Variants in IRF5 observed in about 807,000 individuals in gnomAD.
The protein encoded by IRF5 is interferon regulatory factor 5.
In IRF5, 24 loss-of-function variants were observed where a neutral mutation model predicts 55.1. That is an observed-to-expected ratio of 0.44 (90% confidence interval 0.32 to 0.61). IRF5 has a LOEUF of 0.61. IRF5 is among the 20% of genes least tolerant of loss of function. The pLI, the probability that IRF5 is intolerant of heterozygous loss-of-function variation, is 0.07. For missense variants in IRF5, 499 were observed against 658.5 expected (o/e 0.76, Z 2.65); for synonymous variants, 258 against 260.2 (o/e 0.99, Z 0.08).
rs1056556456 is a variant in IRF5 at position 128,945,724 on chromosome 7, C to T, written c.196-121C>T. On this transcript the variant is annotated intron_variant, in intron 2 of 8. Coordinates refer to ENST00000357234, the MANE Select transcript of IRF5 (RefSeq NM_001098629.3). ...GCTGCAAACCAGGTCTGGGGCTCAG[C>T]GAGGCTCAGCCTGTAGCCGAAGTTC... The T allele has an allele frequency of 3.8e-5, 36 of 950,060 alleles. 1 individual carries two copies. The South Asian group carries it at 5.2e-4, about 14-fold the overall frequency. The allele number at this position is 950,060 out of a possible 1,614,324, so 58.9% of individuals were successfully genotyped here. A position where few individuals can be genotyped will look rare whatever the true frequency, so the allele number is the denominator to read the frequency against.
intron 1 of IRF5, among the ~76,000 whole-genome samples, chr7:128,938,995 G>A (rs57812317): frequency 0.023 from 3,512 of 150,344 alleles, 75 homozygotes; most frequent in East Asian, 0.061. Context: ...GGGTGGCTCC[G>A]CGGGCTGGCC....
chr7:128,937,141 A>AC (rs1430663903), upstream of IRF5, among the ~76,000 whole-genome samples: 1 of 152,228 alleles, frequency 6.6e-6, no homozygotes, highest in African/African-American at 2.4e-5. Flanking sequence ...GCACCCTGGA[A>AC]CCCCACCTGG....
Position 128,946,025 on chromosome 7 carries a change from G to C in IRF5, c.376G>C (p.Ala126Pro). ...KIYEVCSNGPAPTDSQPPEDY... is the reference protein window; with the variant it reads ...KIYEVCSNGPPPTDSQPPEDY... ...CTACGAGGTCTGCTCCAATGGCCCT[G>C]CTCCCACAGGTATCAGGCCTAGCCC... The change falls in exon 3 of 9, where the codon GCT (alanine) becomes CCT (proline). Residue 126 changes from alanine to proline, a missense_variant. By Grantham distance (27) the Ala-to-Pro change is conservative. This residue lies in a region of IRF5 where 305 missense variants were observed against 340.2 expected (regional missense o/e 0.90). Transcript: ENST00000357234. This position sits in a 1 kb window ranked among gnomAD's most constrained non-coding sequence, Gnocchi z 4.2. 1 of 1,601,728 alleles carries C rather than the reference G, an allele frequency of 6.2e-7. No homozygotes were observed. Among genetic ancestry groups the C allele is most frequent in the South Asian group, 1.1e-5 (1 of 89,890 alleles).
In IRF5 at chr7:128,942,236, G is replaced by A; in HGVS notation, c.155G>A (p.Arg52Lys). The change falls in exon 2 of 9, where the codon AGG becomes AAG. Residue 52 changes from arginine to lysine, a missense_variant. By Grantham distance (26) the Arg-to-Lys change is conservative. Around this residue, in one of 2 missense-constraint regions of IRF5, gnomAD observed 305 missense variants for 340.2 expected, o/e 0.90. Transcript: ENST00000357234. ...TGCATCCCCTGGAGGCATGCCACAA[G>A]GCATGGTCCCAGCCAGGACGGAGAT... ...LFCIPWRHAT[R>K]HGPSQDGDNT... The A allele has an allele frequency of 6.2e-7, 1 of 1,613,952 alleles. No homozygotes were observed. The highest frequency in any genetic ancestry group is 8.5e-7 in the Non-Finnish European group (1 of 1,179,930).
At chr7:128,939,702 C>T (rs894432087) in intron 1 of IRF5, among the ~76,000 whole-genome samples, 1 of 152,128 alleles carries the variant, frequency 6.6e-6, no homozygotes, top group Non-Finnish European at 1.5e-5. Flanking sequence ...TCCAGCATGG[C>T]CCTGGGGTGA....
chr7:128,948,503 T>C lies in IRF5; in HGVS notation c.1300-70T>C. ...GTCTATTACTCACCCCTGATGGCTG[T>C]CCTCATGCACAGCTGGATCTGGCAG... On this transcript the variant is annotated intron_variant, in intron 8 of 8. Transcript: ENST00000357234. This position sits in a 1 kb window ranked among gnomAD's most constrained non-coding sequence, Gnocchi z 4.6. 1.9e-6 allele frequency: 3 copies of C among 1,591,184 alleles called. No individual in the cohort carries two copies. The highest frequency in any genetic ancestry group is 2.6e-6 in the Non-Finnish European group (3 of 1,169,580).
At chr7:128,944,117 C>T (rs187180404) in intron 2 of IRF5, among the ~76,000 whole-genome samples, 1 of 152,294 alleles carries the variant, frequency 6.6e-6, no homozygotes, top group Non-Finnish European at 1.5e-5. Context: ...AAGTGAATAT[C>T]TTGATTTATA....
chr7:128,942,681 C>T (rs1199442941), intron 2 of IRF5, among the ~76,000 whole-genome samples: 1 of 152,126 alleles, frequency 6.6e-6, no homozygotes, highest in Non-Finnish European at 1.5e-5. Context: ...CCCAGAAGGC[C>T]TTCCCATAAC....
At position 128,948,057 on chromosome 7, in the gene IRF5, AT is replaced by A; in HGVS notation, c.1117del (p.Cys373AlafsTer65). On this transcript the variant is annotated frameshift_variant, in exon 7 of 9. Coordinates refer to ENST00000357234, the MANE Select transcript of IRF5 (RefSeq NM_001098629.3). LOFTEE classifies it high-confidence loss of function. The surrounding 1 kb of genome is among the most constrained non-coding windows in gnomAD (Gnocchi z 4.6). Reference sequence around the variant, plus strand: ...GGCCTTGTGCCTCAGCCCATGACTCATGCCCCAACCCCATCCAGCGGGAGGT... The same window carrying A: ...GGCCTTGTGCCTCAGCCCATGACTCAGCCCCAACCCCATCCAGCGGGAGGT... The part of the protein sequence containing the change: ...SGPCASAHDS[C>X]PNPIQREVKT... The A allele has an allele frequency of 6.2e-7, 1 of 1,614,096 alleles. No individual in the cohort carries two copies. Among genetic ancestry groups the A allele is most frequent in the Non-Finnish European group, 8.5e-7 (1 of 1,179,994 alleles).
Position 128,946,577 on chromosome 7 carries a change from A to G in IRF5, c.447+15A>G, listed in dbSNP as rs1465143403. 2 of 1,560,208 alleles carry G rather than the reference A, an allele frequency of 1.3e-6. No homozygotes were observed. Among genetic ancestry groups the G allele is most frequent in the Non-Finnish European group, 8.8e-7 (1 of 1,140,484 alleles). Reference sequence around the variant, plus strand: ...AAGAGGAAGAGGTGAGTGTGGGTTGAGGAGGCAGGTGGAGCCCTGGACGAG... The same window carrying G: ...AAGAGGAAGAGGTGAGTGTGGGTTGGGGAGGCAGGTGGAGCCCTGGACGAG... On this transcript the variant is annotated intron_variant, in intron 4 of 8. Coordinates refer to ENST00000357234, the MANE Select transcript of IRF5 (RefSeq NM_001098629.3). The surrounding 1 kb of genome is among the most constrained non-coding windows in gnomAD (Gnocchi z 4.2).
At chr7:128,938,180 G>A (rs535782578) in intron 1 of IRF5, 131 bp downstream of exon 1, 1 of 152,374 alleles carries the variant, frequency 6.6e-6, no homozygotes, top group South Asian at 2.1e-4. Context: ...GGCACCTGCG[G>A]GCGGCGGGAT....
chr7:128,941,340 A>G (rs923805235), intron 1 of IRF5: 7 of 152,482 alleles, frequency 4.6e-5, no homozygotes, highest in African/African-American at 1.7e-4. Flanking sequence ...ATGCGTGTCC[A>G]GTGGGAGGAG....
intron 1 of IRF5, among the ~76,000 whole-genome samples, chr7:128,940,006 C>T (rs540650611): frequency 1.3e-5 from 2 of 152,170 alleles, no homozygotes; most frequent in Non-Finnish European, 1.5e-5. Flanking sequence ...GGATGCTGTT[C>T]GGGTTAGAGC....
intron 1 of IRF5, among the ~76,000 whole-genome samples, chr7:128,938,821 T>C (rs2128956251): frequency 6.6e-6 from 1 of 151,984 alleles, no homozygotes; most frequent in Non-Finnish European, 1.5e-5. Flanking sequence ...GGGGAGATGG[T>C]TGTCTCCGGA....
At position 128,946,569 on chromosome 7, in the gene IRF5, G is replaced by A. The variant is rs373171551; in HGVS notation, c.447+7G>A. Reference sequence around the variant, plus strand: ...GGAGGAAGAAGAGGAAGAGGTGAGTGTGGGTTGAGGAGGCAGGTGGAGCCC... The same window carrying A: ...GGAGGAAGAAGAGGAAGAGGTGAGTATGGGTTGAGGAGGCAGGTGGAGCCC... On this transcript the variant is annotated splice_region_variant and intron_variant, in intron 4 of 8. Transcript: ENST00000357234. This position sits in a 1 kb window ranked among gnomAD's most constrained non-coding sequence, Gnocchi z 4.2. 1.3e-6 allele frequency: 2 copies of A among 1,582,074 alleles called. No individual in the cohort carries two copies. The highest frequency in any genetic ancestry group is 1.3e-5 in the African/African-American group (1 of 74,418).
At position 128,947,434 on chromosome 7, in the gene IRF5, TTC is replaced by T; in HGVS notation, c.692_693del (p.Ser231Ter). On this transcript the variant is annotated frameshift_variant, in exon 6 of 9. Transcript: ENST00000357234. LOFTEE classifies it high-confidence loss of function. The surrounding 1 kb of genome is among the most constrained non-coding windows in gnomAD (Gnocchi z 6.5). ...GGCAACCCTGCTGGCTTCAGGGAGC[TTC>T]TCTCTGAGGTCCTGGAGCCTGGGCC... The T allele has an allele frequency of 6.2e-7, 1 of 1,611,836 alleles. No individual in the cohort carries two copies.
Position 128,948,706 on chromosome 7 carries a change from A to T in IRF5, c.1433A>T (p.His478Leu), listed in dbSNP as rs1441920448. Residue 478 changes from histidine to leucine, a missense_variant, in exon 9 of 9, where the codon CAT becomes CTT. Physicochemically the swap from His to Leu is moderately conservative, Grantham distance 99. Transcript: ENST00000357234. The surrounding 1 kb of genome is among the most constrained non-coding windows in gnomAD (Gnocchi z 4.6). ...ATGGTGGAGCAATTCAAGGAGCTCC[A>T]TCACATCTGGCAGTCCCAGCAGCGG... ...DRMVEQFKEL[H>L]HIWQSQQRLQ... 1 of 1,614,132 alleles carries T rather than the reference A, an allele frequency of 6.2e-7. No homozygotes were observed. The highest frequency in any genetic ancestry group is 8.5e-7 in the Non-Finnish European group (1 of 1,180,034).
Position 128,946,409 on chromosome 7 carries a change from G to T in IRF5, c.386-92G>T. The T allele has an allele frequency of 6.8e-7, 1 of 1,474,684 alleles. No individual in the cohort carries two copies. The allele number at this position is 1,474,684 out of a possible 1,614,324, so 91.3% of individuals were successfully genotyped here. ...GGCAGCTTTGGGGAAGGCAGAAGCT[G>T]CATAGGAGCTACAGGCAGCCTCTCA... is the stretch of plus-strand genomic sequence containing the variant. On this transcript the variant is annotated intron_variant, in intron 3 of 8. Coordinates refer to ENST00000357234, the MANE Select transcript of IRF5 (RefSeq NM_001098629.3). The surrounding 1 kb of genome is among the most constrained non-coding windows in gnomAD (Gnocchi z 4.2).
At position 128,949,798 on chromosome 7, in the gene IRF5, T is replaced by C. The variant is rs1300141806; in HGVS notation, c.*980T>C. ...CCTGATATATTTAATATATTTATTATATTGTCCCCCGAGGTGGGGACAGTG... is the reference window on the plus strand; with the variant it reads ...CCTGATATATTTAATATATTTATTACATTGTCCCCCGAGGTGGGGACAGTG... On this transcript the variant is annotated 3_prime_UTR_variant, in exon 9 of 9. Transcript: ENST00000357234. 1 of 152,202 alleles carries C rather than the reference T, an allele frequency of 6.6e-6. No individual in the cohort carries two copies. Among genetic ancestry groups the C allele is most frequent in the Non-Finnish European group, 1.5e-5 (1 of 68,036 alleles). The allele number at this position is 152,202 out of a possible 1,614,324, so 9.4% of individuals were successfully genotyped here.
Sources: gnomAD v4.1 joint callset for allele counts (sites outside exome capture counted in the v4.1 genomes callset) on GRCh38, gnomAD v4.1.1 for gene constraint, gnomAD v4.1.1 regional missense constraint, Gnocchi (gnomAD v3.1) non-coding constraint, MANE v1.5 for transcripts, NCBI Gene and HGNC (gene_info 2026-07-23, HGNC 2026-07-21) for gene names.